Variants in CCL28 observed in about 807,000 individuals in gnomAD.
CCL28 encodes C-C motif chemokine ligand 28.
A neutral mutation model predicts 7.1 loss-of-function variants in CCL28; 4 were observed. The ratio of observed to expected loss-of-function variants is 0.56; its 90% CI spans 0.28 to 1.29. The LOEUF (loss-of-function observed/expected upper bound fraction) is 1.29. Among genes scored for constraint, CCL28 ranks in the 50% most tolerant of loss-of-function variants. The pLI is 0.11. For synonymous variants in CCL28, 55 were observed against 57.8 expected (o/e 0.95, Z 0.22); for missense variants, 151 against 163.4 (o/e 0.92, Z 0.41).
chr5:43,375,754 G>T (rs1739877456), downstream of CCL28, among the ~76,000 whole-genome samples: 1 of 152,056 alleles, frequency 6.6e-6, no homozygotes, highest in Non-Finnish European at 1.5e-5. Flanking sequence ...CACTTTGGGA[G>T]GCTGAGGCGG....
chr5:43,383,939 A>G, intron 2 of CCL28: 1 of 167,452 alleles, frequency 6.0e-6, no homozygotes, highest in Non-Finnish European at 1.3e-5. Flanking sequence ...AAAATACAAA[A>G]ATTAGCTGGG....
intron 1 of CCL28, among the ~76,000 whole-genome samples, chr5:43,398,433 A>C (rs1007575903): frequency 6.6e-6 from 1 of 152,208 alleles, no homozygotes; most frequent in African/African-American, 2.4e-5. Flanking sequence ...CTTTGTGCCC[A>C]GGCAGAGCAG....
chr5:43,384,804 A>T (rs1328838306), intron 2 of CCL28, among the ~76,000 whole-genome samples: 1 of 152,110 alleles, frequency 6.6e-6, no homozygotes, highest in East Asian at 1.9e-4. Context: ...CTGAAAAACT[A>T]CTCAAGCCTT....
At chr5:43,390,714 C>A (rs550308089) in intron 1 of CCL28, among the ~76,000 whole-genome samples, 4 of 152,296 alleles carry the variant, frequency 2.6e-5, no homozygotes, top group African/African-American at 9.6e-5. Flanking sequence ...ATCATCCCTC[C>A]TACACTATCA....
At chr5:43,399,220 CCAGT>C (rs1164872896) in intron 1 of CCL28, among the ~76,000 whole-genome samples, 10 of 152,212 alleles carry the variant, frequency 6.6e-5, no homozygotes, top group South Asian at 2.1e-4. Flanking sequence ...ACTCCCATGG[CCAGT>C]CAAACTCCTG....
At chr5:43,397,067 G>C (rs879715345) in intron 1 of CCL28, 8 of 152,260 alleles carry the variant, frequency 5.3e-5, no homozygotes, top group African/African-American at 1.4e-4. Flanking sequence ...GCCGTGGACG[G>C]TTCCTACCCG....
the CCL28 span, among the ~76,000 whole-genome samples, chr5:43,357,584 T>G: frequency 1.3e-5 from 2 of 152,196 alleles, no homozygotes; most frequent in East Asian, 1.9e-4. Context: ...TCCCAAATTC[T>G]TCTCCTTATT....
chr5:43,388,172 G>T (rs938760487), intron 2 of CCL28, 178 bp downstream of exon 2: 1 of 662,822 alleles, frequency 1.5e-6, no homozygotes, highest in African/African-American at 1.8e-5. Flanking sequence ...TGGACAGAGA[G>T]ACTATGAATT....
chr5:43,377,716 ACTT>A (rs1739936591), downstream of CCL28, among the ~76,000 whole-genome samples: 2 of 45,660 alleles, frequency 4.4e-5, no homozygotes, highest in Non-Finnish European at 8.7e-5. Flanking sequence ...TAGAACTTAA[ACTT>A]TTTTTTTTTT....
intron 2 of CCL28, among the ~76,000 whole-genome samples, chr5:43,383,596 C>T (rs1206487638): frequency 2.6e-5 from 4 of 152,024 alleles, no homozygotes; most frequent in Non-Finnish European, 5.9e-5. Context: ...AAAAAACAAA[C>T]AGCCTAATTC....
At chr5:43,404,031 G>C (rs1303816046) in intron 1 of CCL28, among the ~76,000 whole-genome samples, 7 of 152,226 alleles carry the variant, frequency 4.6e-5, no homozygotes, top group African/African-American at 1.7e-4. Flanking sequence ...ATCTACGTCT[G>C]ATTGGTGTAT....
Position 43,381,342 on chromosome 5 carries a change from G to T in CCL28, c.*518C>A, listed in dbSNP as rs1005661795. 2.0e-5 allele frequency: 3 copies of T among 152,000 alleles called. No individual in the cohort carries two copies. Among genetic ancestry groups the T allele is most frequent in the Non-Finnish European group, 2.9e-5 (2 of 68,000 alleles). The allele number at this position is 152,000 out of a possible 1,614,324, so 9.4% of individuals were successfully genotyped here. Reference sequence around the variant, plus strand: ...AAGTTGGGAGAAGTTATATCTATATGCTCCTCTTAAAATATTATATGAAGA... The same window carrying T: ...AAGTTGGGAGAAGTTATATCTATATTCTCCTCTTAAAATATTATATGAAGA... On this transcript the variant is annotated 3_prime_UTR_variant, in exon 3 of 3. Transcript: ENST00000361115.
At chr5:43,361,444 A>G in the CCL28 span, among the ~76,000 whole-genome samples, 75,623 of 151,908 alleles carry the variant, frequency 0.5, 19,347 homozygotes, top group Middle Eastern at 0.62. Flanking sequence ...TAGGTTGTCT[A>G]TTTACTCTGT....
At chr5:43,369,655 C>T in the CCL28 span, among the ~76,000 whole-genome samples, 8 of 152,260 alleles carry the variant, frequency 5.3e-5, no homozygotes, top group East Asian at 1.4e-3. Context: ...AACTCCTGAC[C>T]TCAAGTGATC....
chr5:43,365,518 TC>T, the CCL28 span, among the ~76,000 whole-genome samples: 2 of 152,032 alleles, frequency 1.3e-5, no homozygotes. Context: ...TGTTTTTTTC[TC>T]CCCCCCATAT....
chr5:43,400,781 T>C (rs1297844336), intron 1 of CCL28, among the ~76,000 whole-genome samples: 2 of 152,092 alleles, frequency 1.3e-5, no homozygotes, highest in Non-Finnish European at 2.9e-5. Context: ...GTCTCAAGAC[T>C]GAGTGCAATT....
At chr5:43,369,039 AGAGAGAG>A in the CCL28 span, among the ~76,000 whole-genome samples, 1 of 1,934 alleles carries the variant, frequency 5.2e-4, no homozygotes, top group African/African-American at 3.1e-3. Flanking sequence ...AGAGAGAAAG[AGAGAGAG>A]AGAGAGAGAG....
At chr5:43,386,233 T>C (rs1401034951) in intron 2 of CCL28, among the ~76,000 whole-genome samples, 1 of 152,244 alleles carries the variant, frequency 6.6e-6, no homozygotes, top group Non-Finnish European at 1.5e-5. Flanking sequence ...TATCCACGCA[T>C]TGTCTATGAA....
intron 1 of CCL28, among the ~76,000 whole-genome samples, chr5:43,400,562 G>A (rs1423965555): frequency 6.6e-6 from 1 of 152,090 alleles, no homozygotes; most frequent in Non-Finnish European, 1.5e-5. Context: ...TGTTGTATAG[G>A]ATCTCACTAC....
Sources: allele counts gnomAD v4.1 joint callset (sites outside exome capture counted in the v4.1 genomes callset), GRCh38; gene constraint gnomAD v4.1.1; transcripts MANE v1.5; gene names NCBI Gene and HGNC (gene_info 2026-07-23, HGNC 2026-07-21).